The following FARP1 variants were observed in gnomAD, a reference collection of about 807,000 sequenced individuals.
The protein encoded by FARP1 is FERM, ARHGEF and pleckstrin domain-containing protein 1.
A neutral mutation model predicts 128.8 loss-of-function variants in FARP1; 52 were observed. The observed-to-expected ratio is 0.40, with a 90% CI of 0.32 to 0.51. FARP1 has a LOEUF of 0.51. Among genes scored for constraint, FARP1 ranks in the 20% least tolerant of loss-of-function variants. The pLI is 0.45. For synonymous variants in FARP1, 580 were observed against 551.8 expected (o/e 1.05, Z -0.72); for missense variants, 1,333 against 1,367.9 (o/e 0.97, Z 0.40).
intron 5 of FARP1, among the ~76,000 whole-genome samples, chr13:98,377,374 CAA>C (rs34395673): frequency 0.4 from 53,548 of 134,378 alleles, 10,955 homozygotes; most frequent in South Asian, 0.54. Context: ...AGTTACACCA[CAA>C]AAAAAAAAAA....
At chr13:98,427,318 T>C (rs1246422480) in intron 17 of FARP1, among the ~76,000 whole-genome samples, 1 of 152,154 alleles carries the variant, frequency 6.6e-6, no homozygotes, top group Non-Finnish European at 1.5e-5. Flanking sequence ...AAAACGTCCT[T>C]TTTCCTCTCT....
At chr13:98,381,000 A>G (rs1889870468) in intron 6 of FARP1, among the ~76,000 whole-genome samples, 1 of 152,200 alleles carries the variant, frequency 6.6e-6, no homozygotes, top group African/African-American at 2.4e-5. Flanking sequence ...CCAGAAAACC[A>G]TGGTCTCAGT....
intron 3 of FARP1, among the ~76,000 whole-genome samples, chr13:98,359,532 T>C (rs1888778670): frequency 6.6e-6 from 1 of 152,154 alleles, no homozygotes; most frequent in Non-Finnish European, 1.5e-5. Flanking sequence ...ACGTTGGCCT[T>C]AGTATCTCCT....
chr13:98,307,934 T>C (rs1285311885), intron 2 of FARP1, among the ~76,000 whole-genome samples: 2 of 152,066 alleles, frequency 1.3e-5, no homozygotes, highest in African/African-American at 4.8e-5. Context: ...GTTTACAATC[T>C]GACGGCAGCC....
intron 1 of FARP1, among the ~76,000 whole-genome samples, chr13:98,161,196 C>G (rs1876858675): frequency 1.3e-5 from 2 of 151,584 alleles, no homozygotes; most frequent in South Asian, 4.2e-4. Flanking sequence ...TCTTTCCCCT[C>G]CATTATCTTG....
At chr13:98,169,457 G>A (rs1877501415) in intron 1 of FARP1, among the ~76,000 whole-genome samples, 2 of 152,158 alleles carry the variant, frequency 1.3e-5, no homozygotes, top group African/African-American at 4.8e-5. Flanking sequence ...GGATGCAGTG[G>A]TGCATGCTTG....
chr13:98,261,897 C>G (rs563480683), intron 2 of FARP1, among the ~76,000 whole-genome samples: 1 of 152,088 alleles, frequency 6.6e-6, no homozygotes, highest in Non-Finnish European at 1.5e-5. Context: ...CACTAGGCTC[C>G]GTCTCCAACT....
chr13:98,260,593 C>T lies in FARP1; in HGVS notation c.171+47180C>T, dbSNP rs151202499. Among the ~76,000 whole-genome samples the T allele has an allele frequency of 3.9e-3, 594 of 152,284 alleles. 2 individuals are homozygous for T. Among genetic ancestry groups the T allele is most frequent in the Non-Finnish European group, 6.2e-3 (421 of 68,014 alleles). ...AATGGGGACAAATCCAGCTGGCCCA[C>T]GAGCACTTGCTTTATAAAGCTGCCC... On this transcript the variant is annotated intron_variant, in intron 2 of 26. Transcript: ENST00000319562.
chr13:98,333,436 T>TAC (rs60264788), intron 2 of FARP1, among the ~76,000 whole-genome samples: 18,563 of 139,402 alleles, frequency 0.13, 1,149 homozygotes, highest in Non-Finnish European at 0.15. Context: ...CCCCCACATG[T>TAC]ACACACACAC....
At chr13:98,407,971 T>C (rs1891043738) in intron 13 of FARP1, among the ~76,000 whole-genome samples, 1 of 152,174 alleles carries the variant, frequency 6.6e-6, no homozygotes, top group Admixed American at 6.5e-5. Context: ...GGGGTGCTCC[T>C]AGAAAACCGC....
chr13:98,221,815 A>G (rs1881429482), intron 2 of FARP1, among the ~76,000 whole-genome samples: 1 of 152,194 alleles, frequency 6.6e-6, no homozygotes, highest in African/African-American at 2.4e-5. Context: ...CCTCTAGGGT[A>G]GGTCTTCTCA....
intron 11 of FARP1, among the ~76,000 whole-genome samples, chr13:98,391,517 C>T (rs766860573): frequency 3.9e-5 from 6 of 152,202 alleles, no homozygotes; most frequent in South Asian, 2.1e-4. Flanking sequence ...GCCATCTTCC[C>T]GCCTTGGCCT....
intron 2 of FARP1, among the ~76,000 whole-genome samples, chr13:98,282,729 C>G (rs527716810): frequency 3.9e-4 from 59 of 152,094 alleles, no homozygotes; most frequent in African/African-American, 1.4e-3. Context: ...ATGGTGAAAC[C>G]CTGTCTCTAC....
intron 2 of FARP1, among the ~76,000 whole-genome samples, chr13:98,330,341 A>G (rs150591424): frequency 6.6e-6 from 1 of 152,328 alleles, no homozygotes; most frequent in African/African-American, 2.4e-5. Context: ...TTTAAAGTAG[A>G]AGATGATTGT....
intron 1 of FARP1, among the ~76,000 whole-genome samples, chr13:98,200,393 C>CG (rs1491173014): frequency 1.4e-5 from 2 of 144,838 alleles, no homozygotes; most frequent in Non-Finnish European, 1.5e-5. Flanking sequence ...CTTCACCCCC[C>CG]CCCCCTCCCC....
intron 17 of FARP1, 115 bp downstream of exon 17, chr13:98,424,765 C>T: frequency 1.3e-6 from 1 of 741,270 alleles, no homozygotes; most frequent in South Asian, 1.5e-5. Flanking sequence ...ATTTGACTCT[C>T]TACACCAAGC....
intron 13 of FARP1, chr13:98,396,471 AACAGGAGGAGGATGAGTGAGG>A (rs1890555038): frequency 5.2e-6 from 2 of 382,364 alleles, no homozygotes; most frequent in Non-Finnish European, 9.3e-6. Flanking sequence ...ATGAGTGAGG[AACAGGAGGAGGATGAGTGAGG>A]AGGCCAGGAG....
At chr13:98,296,168 A>G (rs1242707557) in intron 2 of FARP1, among the ~76,000 whole-genome samples, 5 of 152,166 alleles carry the variant, frequency 3.3e-5, no homozygotes, top group Non-Finnish European at 1.5e-5. Context: ...CAGCTACTCT[A>G]GCAGATCTGT....
chr13:98,376,762 T>G (rs1305367945), intron 5 of FARP1, among the ~76,000 whole-genome samples: 27 of 66,942 alleles, frequency 4.0e-4, no homozygotes, highest in East Asian at 8.2e-4. Context: ...TTTTTGTGTT[T>G]TTTTTTTTTT....
Sources: allele counts gnomAD v4.1 joint callset (sites outside exome capture counted in the v4.1 genomes callset), GRCh38; gene constraint gnomAD v4.1.1; transcripts MANE v1.5; gene names NCBI Gene and HGNC (gene_info 2026-07-23, HGNC 2026-07-21).